NRG3: variants seen among roughly 807,000 people sequenced by gnomAD.
The protein encoded by NRG3 is neuregulin 3, also known as pro-neuregulin-3, membrane-bound isoform.
In NRG3, 31 loss-of-function variants were observed where a neutral mutation model predicts 66.9. The ratio of observed to expected loss-of-function variants is 0.46; its 90% CI spans 0.35 to 0.63. The LOEUF is 0.63. Among genes scored for constraint, NRG3 ranks in the 20% least tolerant of loss-of-function variants. NRG3 has a pLI of 0.00. For synonymous variants in NRG3, 393 were observed against 359.4 expected, an observed-to-expected ratio of 1.09 and a Z score of -1.06; for missense variants, 910 against 878.9, an observed-to-expected ratio of 1.04 and a Z score of -0.45.
At chr10:82,681,866 TATA>T (rs1380775633) in intron 2 of NRG3, among the ~76,000 whole-genome samples, 4 of 152,222 alleles carry the variant, frequency 2.6e-5, no homozygotes. Flanking sequence ...CCATTGTTTT[TATA>T]TCTTCTAATA....
chr10:82,156,800 A>G (rs1440242725), intron 1 of NRG3, among the ~76,000 whole-genome samples: 1 of 151,640 alleles, frequency 6.6e-6, no homozygotes, highest in Admixed American at 6.6e-5. Context: ...TATTAATAAT[A>G]TAGGTATGAT....
chr10:81,940,888 G>A (rs1443849826), intron 1 of NRG3, among the ~76,000 whole-genome samples: 1 of 152,054 alleles, frequency 6.6e-6, no homozygotes, highest in Non-Finnish European at 1.5e-5. Context: ...TGATTTGGAT[G>A]AGGCTTTTCA....
At chr10:81,877,723 G>GA in intron 1 of NRG3, 5 of 1,352,180 alleles carry the variant, frequency 3.7e-6, no homozygotes, top group Non-Finnish European at 4.7e-6. Context: ...CCACAAACCA[G>GA]AATGGCAGTA....
At chr10:82,410,681 T>C (rs865793562) in intron 2 of NRG3, among the ~76,000 whole-genome samples, 1 of 151,970 alleles carries the variant, frequency 6.6e-6, no homozygotes, top group African/African-American at 2.4e-5. Flanking sequence ...AATTGTATAA[T>C]TTAAAAGGGC....
chr10:82,384,774 T>C (rs2135894763), intron 2 of NRG3, among the ~76,000 whole-genome samples: 1 of 152,340 alleles, frequency 6.6e-6, no homozygotes, highest in East Asian at 1.9e-4. Flanking sequence ...GAAAGATTTA[T>C]ATTCCTTTGG....
intron 1 of NRG3, among the ~76,000 whole-genome samples, chr10:82,141,560 G>A (rs1015282926): frequency 6.6e-6 from 1 of 152,074 alleles, no homozygotes; most frequent in African/African-American, 2.4e-5. Context: ...CAGTGATGGT[G>A]AATTGATGGA....
chr10:82,689,582 C>T (rs1378273150), intron 2 of NRG3, among the ~76,000 whole-genome samples: 1 of 152,144 alleles, frequency 6.6e-6, no homozygotes, highest in African/African-American at 2.4e-5. Context: ...TACACCAAAT[C>T]CTTATAGCAT....
intron 2 of NRG3, among the ~76,000 whole-genome samples, chr10:82,646,913 TGAGA>T (rs892267660): frequency 3.3e-5 from 5 of 151,890 alleles, no homozygotes; most frequent in African/African-American, 4.8e-5. Flanking sequence ...CCACAGGGAC[TGAGA>T]GAGAAAGAGA....
At chr10:82,691,215 CCACTCTCT>C (rs879760600) in intron 2 of NRG3, among the ~76,000 whole-genome samples, 2 of 152,120 alleles carry the variant, frequency 1.3e-5, no homozygotes, top group Non-Finnish European at 2.9e-5. Context: ...AGTCCCTACC[CCACTCTCT>C]CATGCCGAGA....
At chr10:82,685,874 G>A (rs1363884857) in intron 2 of NRG3, among the ~76,000 whole-genome samples, 1 of 152,112 alleles carries the variant, frequency 6.6e-6, no homozygotes, top group Non-Finnish European at 1.5e-5. Flanking sequence ...ATGGGGTCAG[G>A]ATCACCAATA....
At position 82,738,662 on chromosome 10, in the gene NRG3, AT is replaced by A. The variant is rs754876480; in HGVS notation, c.1027+17del. The A allele has an allele frequency of 6.2e-7, 1 of 1,611,862 alleles. No homozygotes were observed. The highest frequency in any genetic ancestry group is 1.1e-5 in the South Asian group (1 of 91,034). On this transcript the variant is annotated intron_variant, in intron 3 of 8. Transcript: ENST00000372141. ...CTTATCGGATCCAAGTAGGTCAAGC[AT>A]TTTTCTTCTCTCTAATGCAATATAT...
At chr10:82,153,208 A>G in intron 1 of NRG3, among the ~76,000 whole-genome samples, 1 of 151,898 alleles carries the variant, frequency 6.6e-6, no homozygotes, top group Non-Finnish European at 1.5e-5. Flanking sequence ...ACCTTTCCCC[A>G]TTCTCCCTAT....
At chr10:82,476,777 G>C (rs1485148082) in intron 2 of NRG3, among the ~76,000 whole-genome samples, 1 of 152,118 alleles carries the variant, frequency 6.6e-6, no homozygotes, top group Non-Finnish European at 1.5e-5. Flanking sequence ...TTCTGGAAAT[G>C]ATACTGATAA....
intron 2 of NRG3, among the ~76,000 whole-genome samples, chr10:82,644,496 A>G (rs1177068122): frequency 2.1e-4 from 32 of 152,140 alleles, no homozygotes; most frequent in Admixed American, 2.0e-3. Flanking sequence ...AATAACTAAA[A>G]TCATAACTCT....
intron 2 of NRG3, among the ~76,000 whole-genome samples, chr10:82,676,028 G>C (rs746132786): frequency 6.6e-6 from 1 of 152,068 alleles, no homozygotes; most frequent in African/African-American, 2.4e-5. Context: ...GAATCAGGGA[G>C]GTGTATTCTC....
At chr10:82,807,428 G>C (rs1019713791) in intron 3 of NRG3, among the ~76,000 whole-genome samples, 26 of 152,132 alleles carry the variant, frequency 1.7e-4, no homozygotes, top group Admixed American at 9.2e-4. Flanking sequence ...CTTGCAACGG[G>C]GTGTGTGGAG....
intron 3 of NRG3, among the ~76,000 whole-genome samples, chr10:82,786,181 C>T (rs981822512): frequency 6.6e-6 from 1 of 152,126 alleles, no homozygotes; most frequent in African/African-American, 2.4e-5. Context: ...CCCAGAACTA[C>T]AGAGCAACCA....
intron 2 of NRG3, among the ~76,000 whole-genome samples, chr10:82,459,110 G>T (rs1166552459): frequency 6.6e-6 from 1 of 152,020 alleles, no homozygotes; most frequent in African/African-American, 2.4e-5. Flanking sequence ...ATACCTTTAG[G>T]TCACTGGGGC....
At chr10:82,183,068 CAGTT>C (rs1207884376) in intron 1 of NRG3, among the ~76,000 whole-genome samples, 10 of 151,914 alleles carry the variant, frequency 6.6e-5, no homozygotes, top group Non-Finnish European at 1.2e-4. Flanking sequence ...TGAATTTTGA[CAGTT>C]AGATTATATG....
Sources: gnomAD v4.1 joint callset for allele counts (sites outside exome capture counted in the v4.1 genomes callset) on GRCh38, gnomAD v4.1.1 for gene constraint, MANE v1.5 for transcripts, NCBI Gene and HGNC (gene_info 2026-07-23, HGNC 2026-07-21) for gene names.